HCFC1: variants seen among roughly 807,000 people sequenced by gnomAD.
The protein encoded by HCFC1 is host cell factor 1.
HCFC1 carries 7 observed loss-of-function variants against 105.5 expected under a neutral mutation model. The observed-to-expected ratio is 0.07, with a 90% confidence interval of 0.04 to 0.12. The LOEUF is 0.12. HCFC1 is among the 10% of genes least tolerant of loss of function. HCFC1 has a pLI of 1.00. For synonymous variants in HCFC1, 918 were observed against 828.1 expected (o/e 1.11, Z -1.86); for missense variants, 1,065 against 1,823.6 (o/e 0.58, Z 7.58).
Position 153,964,743 on chromosome X carries a change from G to A in HCFC1, c.194-17C>T. 8.7e-7 allele frequency: 1 copy of A among 1,147,400 alleles called. No individual in the cohort carries two copies. Among genetic ancestry groups the A allele is most frequent in the African/African-American group, 1.8e-5 (1 of 55,769 alleles). 94.6% of individuals were successfully genotyped at this position (1,147,400 alleles called of 1,213,427 possible). The stretch of plus-strand genomic sequence containing the variant: ...GGTTGGTTGCTGGGGAACAGAAGGA[G>A]GCAGAAGTCAGAACACCCGGGAGCC... On this transcript the variant is annotated splice_polypyrimidine_tract_variant and intron_variant, in intron 1 of 25. Coordinates refer to ENST00000310441, the MANE Select transcript of HCFC1 (RefSeq NM_005334.3).
At chrX:153,962,371 C>T in intron 4 of HCFC1, 65 bp from the exon 5 acceptor site, 1 of 800,828 alleles carries the variant, frequency 1.2e-6, no homozygotes, top group South Asian at 2.2e-5. Context: ...TCCCTGGATT[C>T]AAGCTAGCTC....
intron 1 of HCFC1, among the ~76,000 whole-genome samples, chrX:153,967,797 C>A (rs193259209): frequency 1.1e-3 from 126 of 111,793 alleles, no homozygotes; most frequent in African/African-American, 3.9e-3. Context: ...CAGGGCCAAT[C>A]AGGAAGTGAC....
rs1393718176 is a variant in HCFC1 at position 153,964,265 on chromosome X, T to C, written c.362A>G (p.Lys121Arg). 1.7e-6 allele frequency: 2 copies of C among 1,184,936 alleles called. No individual in the cohort carries two copies. Among genetic ancestry groups the C allele is most frequent in the Non-Finnish European group, 2.3e-6 (2 of 879,143 alleles). The change falls in exon 3 of 26, where the codon AAG (lysine) becomes AGG (arginine). Residue 121 changes from lysine (K) to arginine (R), a missense_variant. Transcript: ENST00000310441. ...YELQASRWEW[K>R]RLKAKTPKNG... The stretch of plus-strand genomic sequence containing the variant: ...TTTGGGCGTCTTTGCTTTGAGTCTC[T>C]TCCACTCCCACCGGCTCGCCTGCAA...
Position 153,954,500 on chromosome X carries a change from C to T in HCFC1, c.3899G>A (p.Gly1300Asp). Reference sequence around the variant, plus strand: ...CGAGGTAGTGGCGGTGTTGGTGGTGCCTGTCTCGTGGGTCTCACATGGTGG... The same window carrying T: ...CGAGGTAGTGGCGGTGTTGGTGGTGTCTGTCTCGTGGGTCTCACATGGTGG... The part of the protein sequence containing the change: ...SNPPCETHET[G>D]TTNTATTSNA... The change falls in exon 17 of 26, where the codon GGC becomes GAC. Residue 1300 changes from glycine to aspartate, a missense_variant. Gly to Asp is a moderately conservative substitution (Grantham distance 94). Coordinates refer to ENST00000310441, the MANE Select transcript of HCFC1 (RefSeq NM_005334.3). 8.3e-7 allele frequency: 1 copy of T among 1,211,453 alleles called. No homozygotes were observed. The highest frequency in any genetic ancestry group is 1.7e-5 in the African/African-American group (1 of 57,779).
At chrX:153,961,775 G>A (rs1179721732) in intron 5 of HCFC1, 127 bp from the exon 6 acceptor site, 7 of 507,794 alleles carry the variant, frequency 1.4e-5, no homozygotes, top group Middle Eastern at 3.4e-4. Context: ...AAGGATGCGT[G>A]AAGCCTCCTG....
chrX:153,951,556 ACGGACTCAGGAGCCCCAACACAC>A lies in HCFC1; in HGVS notation c.5379+10_5379+32del. 3.3e-6 allele frequency: 4 copies of A among 1,205,664 alleles called. No individual in the cohort carries two copies. Among genetic ancestry groups the A allele is most frequent in the Non-Finnish European group, 4.5e-6 (4 of 890,490 alleles). ...TAGAGGCAGTGCTGCCCCCCAGGCC[ACGGACTCAGGAGCCCCAACACAC>A]CCGACTCACCACACCCAGGGACTCG... is the stretch of plus-strand genomic sequence containing the variant. On this transcript the variant is annotated intron_variant, in intron 21 of 25. Transcript: ENST00000310441.
At chrX:153,970,444 G>A (rs2065517577) in intron 1 of HCFC1, among the ~76,000 whole-genome samples, 1 of 93,390 alleles carries the variant, frequency 1.1e-5, no homozygotes, top group Non-Finnish European at 2.2e-5. Flanking sequence ...GGGGGAGGAG[G>A]GGAGAAGGGG....
intron 22 of HCFC1, 61 bp from the exon 23 acceptor site, chrX:153,951,059 G>C: frequency 9.7e-7 from 1 of 1,029,039 alleles, no homozygotes. Context: ...GCCACCCCAG[G>C]AACACTGCAG....
chrX:153,954,206 C>G lies in HCFC1; in HGVS notation c.4193G>C (p.Ser1398Thr). The change falls in exon 17 of 26, where the codon AGC (serine) becomes ACC (threonine). Residue 1398 changes from serine (S) to threonine (T), a missense_variant. By Grantham distance (58) the Ser-to-Thr change is moderately conservative. Around this residue, in one of 17 missense-constraint regions of HCFC1, gnomAD observed 546 missense variants for 599.9 expected, o/e 0.91. Transcript: ENST00000310441. ...ESGLEVAAAP[S>T]VTPQAGTALL... is the part of the protein sequence containing the mutation. The stretch of plus-strand genomic sequence containing the variant: ...CGCGGTGCCAGCCTGGGGGGTGACG[C>G]TGGGTGCCGCCGCCACCTCTAGGCC... 1 of 1,207,045 alleles carries G rather than the reference C, an allele frequency of 8.3e-7. No individual in the cohort carries two copies. Among genetic ancestry groups the G allele is most frequent in the Non-Finnish European group, 1.1e-6 (1 of 894,361 alleles).
rs932659798 is a variant in HCFC1 at position 153,948,508 on chromosome X, A to C, written c.*839T>G. 1.8e-5 allele frequency: 2 copies of C among 112,957 alleles called. No homozygotes were observed. The highest frequency in any genetic ancestry group is 3.8e-5 in the Non-Finnish European group (2 of 53,303). The allele number at this position is 112,957 out of a possible 1,213,427, so 9.3% of individuals were successfully genotyped here. A position where few individuals can be genotyped will look rare whatever the true frequency, so the allele number is the denominator to read the frequency against. On this transcript the variant is annotated 3_prime_UTR_variant, in exon 26 of 26. Transcript: ENST00000310441. Reference sequence around the variant, plus strand: ...AAAAAAACAAAAACAAAACAAAACAAAACAAAAAAAAGAGAAAAGAAAAAA... The same window carrying C: ...AAAAAAACAAAAACAAAACAAAACACAACAAAAAAAAGAGAAAAGAAAAAA...
In HCFC1 at chrX:153,951,494, GAC is replaced by G. The variant is rs781950939; in HGVS notation, c.5380-9_5380-8del. The G allele has an allele frequency of 1.7e-6, 2 of 1,211,258 alleles. No individual in the cohort carries two copies. Among genetic ancestry groups the G allele is most frequent in the Non-Finnish European group, 2.2e-6 (2 of 895,378 alleles). ...GGGGCGGCAGGTCTGGCTTCTGCAA[GAC>G]AGAATCGGTGCGACGAGATCAGGCC... On this transcript the variant is annotated splice_polypyrimidine_tract_variant and splice_region_variant and intron_variant, in intron 21 of 25. Transcript: ENST00000310441.
At chrX:153,958,881 C>G (rs2065402910) in intron 9 of HCFC1, 115 bp from the exon 10 acceptor site, 1 of 535,209 alleles carries the variant, frequency 1.9e-6, no homozygotes, top group African/African-American at 2.4e-5. Flanking sequence ...CCTCATCCCG[C>G]CAGCATGGCT....
chrX:153,955,302 C>T lies in HCFC1; in HGVS notation c.3097G>A (p.Val1033Ile). Residue 1033 changes from valine (V) to isoleucine (I), a missense_variant, in exon 17 of 26, where the codon GTT becomes ATT. By Grantham distance (29) the Val-to-Ile change is conservative. Transcript: ENST00000310441. The stretch of plus-strand genomic sequence containing the variant: ...GGGTGTCCCCCAAGGTTAGCCACAA[C>T]AGTAGTGGTGGCCGTGTTGGTGGTG... ...TGTTNTATTTVVANLGGHPQP... is the reference protein window; with the variant it reads ...TGTTNTATTTIVANLGGHPQP... 8.3e-7 allele frequency: 1 copy of T among 1,201,719 alleles called. No homozygotes were observed. The highest frequency in any genetic ancestry group is 1.1e-6 in the Non-Finnish European group (1 of 892,346).
At chrX:153,957,153 A>G in intron 13 of HCFC1, 93 bp from the exon 14 acceptor site, 2 of 1,058,709 alleles carry the variant, frequency 1.9e-6, no homozygotes, top group East Asian at 3.0e-5. Context: ...AGTCACAGCC[A>G]TAGCCCTGCC....
At chrX:153,956,506 C>A in intron 15 of HCFC1, 95 bp from the exon 16 acceptor site, 4 of 1,112,842 alleles carry the variant, frequency 3.6e-6, no homozygotes, top group Non-Finnish European at 4.9e-6. Flanking sequence ...GAGCTGCTTG[C>A]ATAGAAGGCT....
Position 153,954,612 on chromosome X carries a change from C to A in HCFC1, c.3787G>T (p.Gly1263Cys). Residue 1263 changes from glycine to cysteine, a missense_variant, in exon 17 of 26, where the codon GGT (glycine) becomes TGT (cysteine). Around this residue, in one of 17 missense-constraint regions of HCFC1, gnomAD observed 546 missense variants for 599.9 expected, o/e 0.91. Transcript: ENST00000310441. ...GTCACTGTGGTGCTGGGCGAGCCAC[C>A]CTGGAGGCTCTCGCACACAGGTGCC... ...RMAPVCESLQ[G>C]GSPSTTVTVT... The A allele has an allele frequency of 8.3e-7, 1 of 1,208,007 alleles. No individual in the cohort carries two copies. The highest frequency in any genetic ancestry group is 1.1e-6 in the Non-Finnish European group (1 of 893,168).
chrX:153,960,012 G>C lies in HCFC1; in HGVS notation c.1234C>G (p.Pro412Ala). The C allele has an allele frequency of 8.3e-7, 1 of 1,210,564 alleles. No individual in the cohort carries two copies. The highest frequency in any genetic ancestry group is 1.1e-6 in the Non-Finnish European group (1 of 894,967). Residue 412 changes from proline to alanine, a missense_variant, in exon 8 of 26, where the codon CCT (proline) becomes GCT (alanine). Physicochemically the swap from Pro to Ala is conservative, Grantham distance 27. Transcript: ENST00000310441. ...IPATAATATSPTPNPVPSVPA... is the reference protein window; with the variant it reads ...IPATAATATSATPNPVPSVPA... ...ACAGATGGGACCGGATTGGGTGTAG[G>C]GGAGGTGGCAGTAGCAGCCGTGGCA...
At position 153,947,727 on chromosome X, in the gene HCFC1, G is replaced by A. The variant is rs1308184130; in HGVS notation, c.*1620C>T. On this transcript the variant is annotated 3_prime_UTR_variant, in exon 26 of 26. Transcript: ENST00000310441. ...GGGGTAAAACAACAGGACCAGGTGA[G>A]TGGGCTCCAAGGTGACTAAACGTGA... The A allele has an allele frequency of 9.0e-6, 1 of 111,491 alleles. No individual in the cohort carries two copies. The highest frequency in any genetic ancestry group is 3.3e-5 in the African/African-American group (1 of 30,551). 9.2% of individuals were successfully genotyped at this position (111,491 alleles called of 1,213,427 possible).
At chrX:153,962,016 CTT>C (rs1264021593) in intron 5 of HCFC1, among the ~76,000 whole-genome samples, 3 of 111,602 alleles carry the variant, frequency 2.7e-5, no homozygotes, top group Admixed American at 9.4e-5. Flanking sequence ...TCAGACTCAG[CTT>C]GTGTGTGGCC....
Sources: gnomAD v4.1 joint callset for allele counts (sites outside exome capture counted in the v4.1 genomes callset) on GRCh38, gnomAD v4.1.1 for gene constraint, gnomAD v4.1.1 regional missense constraint, MANE v1.5 for transcripts, NCBI Gene and HGNC (gene_info 2026-07-23, HGNC 2026-07-21) for gene names.